SPG11: variants seen among roughly 807,000 people sequenced by gnomAD.
SPG11 encodes SPG11 vesicle trafficking associated, spatacsin.
SPG11 carries 222 observed loss-of-function variants against 274.0 expected under a neutral mutation model. That is an observed-to-expected ratio of 0.81 (90% CI 0.73 to 0.91). The LOEUF is 0.91. SPG11 is among the 40% of genes least tolerant of loss of function. SPG11 has a pLI of 0.00. For missense variants in SPG11, 3,114 were observed against 2,872.7 expected (o/e 1.08, Z -1.92); for synonymous variants, 1,144 against 1,039.7 (o/e 1.10, Z -1.93).
chr15:44,564,495 A>C (rs1433067942), intron 39 of SPG11, 52 bp downstream of exon 39: 67 of 1,592,744 alleles, frequency 4.2e-5, no homozygotes, highest in Non-Finnish European at 5.7e-5. Flanking sequence ...CACTTGTCTC[A>C]CCTCAAAGCA....
chr15:44,643,940 G>A (rs1013971036), intron 7 of SPG11, among the ~76,000 whole-genome samples: 7 of 152,004 alleles, frequency 4.6e-5, no homozygotes, highest in Admixed American at 1.3e-4. Flanking sequence ...GAGGCAGGCC[G>A]ATCAAGAGGT....
rs1180028245 is a variant in SPG11 at position 44,596,151 on chromosome 15, G to A, written c.4366C>T (p.His1456Tyr). 1 of 1,614,164 alleles carries A rather than the reference G, an allele frequency of 6.2e-7. No individual in the cohort carries two copies. Among genetic ancestry groups the A allele is most frequent in the Non-Finnish European group, 8.5e-7 (1 of 1,180,008 alleles). The change falls in exon 25 of 40, where the codon CAC becomes TAC. Residue 1456 changes from histidine to tyrosine, a missense_variant. By Grantham distance (83) the His-to-Tyr change is moderately conservative. Transcript: ENST00000261866. The part of the protein sequence containing the change: ...LQCSEEPDSW[H>Y]WLLVEAVKQQ... Reference sequence around the variant, plus strand: ...TTCACTGCTTCAACCAGAAGCCAGTGCCAGGAGTCTGGCTCCTCTGAGCAT... The same window carrying A: ...TTCACTGCTTCAACCAGAAGCCAGTACCAGGAGTCTGGCTCCTCTGAGCAT...
chr15:44,601,284 A>AGGGTCT (rs2083181758), intron 20 of SPG11, among the ~76,000 whole-genome samples: 1 of 151,794 alleles, frequency 6.6e-6, no homozygotes, highest in South Asian at 2.1e-4. Flanking sequence ...TTTTTAAGAC[A>AGGGTCT]GGGTCTGGCT....
At position 44,596,086 on chromosome 15, in the gene SPG11, G is replaced by A. The variant is rs1175070087; in HGVS notation, c.4431C>T (p.Leu1477=). Residue 1477 remains leucine (L), a synonymous_variant, in exon 25 of 40, where the codon CTC becomes CTT. Coordinates refer to ENST00000261866, the MANE Select transcript of SPG11 (RefSeq NM_025137.4). ...TCAGGCTTCTCATGATCCTCACCTG[G>A]AGACATGAGGCCAGAACACTGAGGA... The part of the protein sequence containing the change: ...APILSVLASC[L]QGASAISCLC... 1.2e-6 allele frequency: 2 copies of A among 1,613,152 alleles called. No individual in the cohort carries two copies. The highest frequency in any genetic ancestry group is 1.7e-5 in the Admixed American group (1 of 60,014).
At chr15:44,588,916 T>C (rs139075215) in intron 28 of SPG11, among the ~76,000 whole-genome samples, 64 of 152,290 alleles carry the variant, frequency 4.2e-4, no homozygotes, top group African/African-American at 1.5e-3. Flanking sequence ...AGGCAAAATA[T>C]CTCTGTCAGT....
At position 44,567,569 on chromosome 15, in the gene SPG11, C is replaced by T; in HGVS notation, c.6609G>A (p.Leu2203=). 6.2e-7 allele frequency: 1 copy of T among 1,613,960 alleles called. No individual in the cohort carries two copies. Among genetic ancestry groups the T allele is most frequent in the African/African-American group, 1.3e-5 (1 of 74,982 alleles). Residue 2203 remains leucine (L), a synonymous_variant, in exon 36 of 40, where the codon CTG becomes CTA. Coordinates refer to ENST00000261866, the MANE Select transcript of SPG11 (RefSeq NM_025137.4). ...LDPSGTLKTA[L]LDYIKRCRPG... ...GACGGCAGCGTTTGATGTAGTCCAG[C>T]AGGGCTGTTTTCAGGGTACCACTCT...
Position 44,609,599 on chromosome 15 carries a change from C to A in SPG11, c.3292-994G>T, listed in dbSNP as rs115789401. On this transcript the variant is annotated intron_variant, in intron 18 of 39. Coordinates refer to ENST00000261866, the MANE Select transcript of SPG11 (RefSeq NM_025137.4). Reference sequence around the variant, plus strand: ...AGACAATAATTACTAAGCCACAGATCTAAAGTATTCTTACTCCCAGAAGCA... The same window carrying A: ...AGACAATAATTACTAAGCCACAGATATAAAGTATTCTTACTCCCAGAAGCA... 6.3e-3 allele frequency among the ~76,000 whole-genome samples: 960 copies of A among 152,182 alleles called. 10 individuals carry two copies. Among genetic ancestry groups the A allele is most frequent in the African/African-American group, 0.021 (886 of 41,538 alleles).
In SPG11 at chr15:44,651,608, C is replaced by T. The variant is rs1443148219; in HGVS notation, c.1339G>A (p.Gly447Ser). The change falls in exon 6 of 40, where the codon GGC becomes AGC. Residue 447 changes from glycine (G) to serine (S), a missense_variant. Transcript: ENST00000261866. The stretch of plus-strand genomic sequence containing the variant: ...AAATCCCAGAGGGTAATGGTATAGC[C>T]CATCCTTTCCACTTCCCAAGTAAAC... ...ALFTWEVERM[G>S]YTITLWDLET... 1.2e-6 allele frequency: 2 copies of T among 1,614,194 alleles called. No individual in the cohort carries two copies. The highest frequency in any genetic ancestry group is 1.7e-6 in the Non-Finnish European group (2 of 1,180,036).
intron 38 of SPG11, 79 bp downstream of exon 38, chr15:44,565,758 GTCACTAGCCCTGAGACC>G (rs1258525015): frequency 1.3e-5 from 20 of 1,489,288 alleles, no homozygotes; most frequent in Non-Finnish European, 1.6e-5. Context: ...TCCTGGTTCT[GTCACTAGCCCTGAGACC>G]TTACCTCTGG....
At position 44,583,833 on chromosome 15, in the gene SPG11, G is replaced by A. The variant is rs2140946206; in HGVS notation, c.5847C>T (p.Pro1949=). ...ELLEEEAPDI[P]LRRVHSTSSL... is the part of the protein sequence containing the mutation. ...ACTTACTGCTGTGGACTCTCCTTAG[G>A]GGAATGTCGGGTGCTTCTTCCTCAA... Residue 1949 remains proline (P), a synonymous_variant, in exon 30 of 40, where the codon CCC becomes CCT. Coordinates refer to ENST00000261866, the MANE Select transcript of SPG11 (RefSeq NM_025137.4). The A allele has an allele frequency of 6.2e-7, 1 of 1,614,152 alleles. No individual in the cohort carries two copies. The highest frequency in any genetic ancestry group is 8.5e-7 in the Non-Finnish European group (1 of 1,180,022).
chr15:44,597,011 C>A (rs1278063813), intron 23 of SPG11, 68 bp from the exon 24 acceptor site: 15 of 1,482,534 alleles, frequency 1.0e-5, no homozygotes, highest in Non-Finnish European at 1.3e-5. Flanking sequence ...ATAGCTTTAG[C>A]TTGAACTGGA....
At position 44,596,359 on chromosome 15, in the gene SPG11, G is replaced by A. The variant is rs777010404; in HGVS notation, c.4162-4C>T. ...AGTACTGGATAAGGGATTTCACCTA[G>A]AAGGCATATCAGATGATTAAACAGA... On this transcript the variant is annotated splice_region_variant and splice_polypyrimidine_tract_variant and intron_variant, in intron 24 of 39. Transcript: ENST00000261866. 132 of 1,614,044 alleles carry A rather than the reference G, an allele frequency of 8.2e-5. No homozygotes were observed. The highest frequency in any genetic ancestry group is 1.1e-4 in the Non-Finnish European group (132 of 1,180,004).
intron 21 of SPG11, among the ~76,000 whole-genome samples, chr15:44,599,488 C>G (rs754977194): frequency 1.3e-5 from 2 of 151,988 alleles, no homozygotes; most frequent in African/African-American, 4.8e-5. Flanking sequence ...TTAGTAGAGA[C>G]AGGGTTTCAC....
chr15:44,613,329 G>T, intron 17 of SPG11, 101 bp downstream of exon 17: 1 of 830,158 alleles, frequency 1.2e-6, no homozygotes, highest in Non-Finnish European at 2.0e-6. Flanking sequence ...GCTGACCACA[G>T]CCAAATAATT....
chr15:44,623,306 C>T (rs1272578852), intron 11 of SPG11, among the ~76,000 whole-genome samples: 2 of 152,060 alleles, frequency 1.3e-5, no homozygotes, highest in Non-Finnish European at 2.9e-5. Flanking sequence ...AGCATTTTGT[C>T]AGAGCAAAGG....
Position 44,610,896 on chromosome 15 carries a change from C to T in SPG11, c.3235G>A (p.Gly1079Arg). 6.2e-7 allele frequency: 1 copy of T among 1,613,888 alleles called. No individual in the cohort carries two copies. The change falls in exon 18 of 40, where the codon GGA (glycine) becomes AGA (arginine). Residue 1079 changes from glycine (G) to arginine (R), a missense_variant. Gly to Arg is a moderately radical substitution (Grantham distance 125). Transcript: ENST00000261866. ...QASVSSMLLE[G>R]HTLLALATTM... ...GTAGCAAGGGCCAGGAGGGTATGTC[C>T]TTCCAATAGCATACTGCTTACACTG...
chr15:44,651,058 T>A (rs1377221609), intron 6 of SPG11, among the ~76,000 whole-genome samples: 2 of 152,156 alleles, frequency 1.3e-5, no homozygotes, highest in Admixed American at 1.3e-4. Flanking sequence ...GATCTTATAA[T>A]TTTTCAGTAA....
Position 44,563,253 on chromosome 15 carries a change from T to TTTC in SPG11, c.7197_7199dup (p.Lys2400dup). The stretch of plus-strand genomic sequence containing the variant: ...AAACATCTTCACAATATGTGAGTAA[T>TTTC]TTCTTCAGGTTTTCCATGACCATGT... On this transcript the variant is annotated inframe_insertion, in exon 40 of 40. Transcript: ENST00000261866. 6.2e-7 allele frequency: 1 copy of TTTC among 1,614,062 alleles called. No individual in the cohort carries two copies. The highest frequency in any genetic ancestry group is 1.1e-5 in the South Asian group (1 of 91,080).
intron 11 of SPG11, 92 bp downstream of exon 11, chr15:44,626,239 G>C: frequency 1.8e-6 from 2 of 1,103,974 alleles, no homozygotes; most frequent in Non-Finnish European, 2.6e-6. Context: ...AAATTTCTTA[G>C]TTTATGAAAT....
Sources: allele counts gnomAD v4.1 joint callset (sites outside exome capture counted in the v4.1 genomes callset), GRCh38; gene constraint gnomAD v4.1.1; transcripts MANE v1.5; gene names NCBI Gene and HGNC (gene_info 2026-07-23, HGNC 2026-07-21).